Variants in RAD50 observed in about 807,000 individuals in gnomAD.
RAD50 encodes DNA repair protein RAD50.
A neutral mutation model predicts 168.8 loss-of-function variants in RAD50; 132 were observed. The ratio of observed to expected loss-of-function variants is 0.78; its 90% CI spans 0.68 to 0.90. The LOEUF is 0.90. Ranked by LOEUF, RAD50 falls within the 40% of genes least tolerant of loss-of-function variation. RAD50 has a pLI of 0.00. For synonymous variants in RAD50, 525 were observed against 497.4 expected (o/e 1.06, Z -0.74); for missense variants, 1,347 against 1,534.4 (o/e 0.88, Z 2.04).
At chr5:132,571,148 T>C (rs1290905860) in intron 2 of RAD50, among the ~76,000 whole-genome samples, 1 of 151,252 alleles carries the variant, frequency 6.6e-6, no homozygotes, top group Non-Finnish European at 1.5e-5. Flanking sequence ...AAAGATCACT[T>C]ATCACAGATC....
intron 21 of RAD50, among the ~76,000 whole-genome samples, chr5:132,619,132 C>G (rs897933936): frequency 2.6e-5 from 4 of 152,162 alleles, no homozygotes; most frequent in African/African-American, 7.2e-5. Context: ...CATTCATTCT[C>G]CTACAGATGG....
chr5:132,582,298 T>G (rs1329016760), intron 5 of RAD50, among the ~76,000 whole-genome samples: 1 of 152,220 alleles, frequency 6.6e-6, no homozygotes. Flanking sequence ...TTGTGAGTAA[T>G]TCTCCAAGGG....
chr5:132,573,218 A>G (rs1364835230), intron 2 of RAD50, among the ~76,000 whole-genome samples: 1 of 152,154 alleles, frequency 6.6e-6, no homozygotes, highest in Non-Finnish European at 1.5e-5. Context: ...GTATTACTCC[A>G]TTTTCACACT....
At chr5:132,634,035 A>AT (rs967307535) in intron 21 of RAD50, among the ~76,000 whole-genome samples, 2 of 151,570 alleles carry the variant, frequency 1.3e-5, no homozygotes, top group African/African-American at 2.4e-5. Flanking sequence ...TTTAAAATTT[A>AT]TTTTTTTTCT....
At chr5:132,615,240 ATT>A (rs1409544048) in intron 19 of RAD50, among the ~76,000 whole-genome samples, 1 of 152,134 alleles carries the variant, frequency 6.6e-6, no homozygotes, top group African/African-American at 2.4e-5. Context: ...CACTGAAATA[ATT>A]TTGTTGTTGT....
intron 19 of RAD50, among the ~76,000 whole-genome samples, chr5:132,610,978 A>C (rs1245753246): frequency 6.6e-6 from 1 of 152,228 alleles, no homozygotes; most frequent in Non-Finnish European, 1.5e-5. Flanking sequence ...ATGTATTTCA[A>C]ATTAATGGGA....
At chr5:132,557,540 A>G (rs1289465421) in intron 1 of RAD50, 87 bp downstream of exon 1, 1 of 1,568,380 alleles carries the variant, frequency 6.4e-7, no homozygotes, top group Non-Finnish European at 8.8e-7. Flanking sequence ...CCTTAGGAGC[A>G]GAAGCGTCCC....
intron 2 of RAD50, among the ~76,000 whole-genome samples, chr5:132,562,007 A>C (rs1343684638): frequency 6.6e-6 from 1 of 152,170 alleles, no homozygotes; most frequent in Non-Finnish European, 1.5e-5. Context: ...CAGAGTAATC[A>C]GAGTTGTCTT....
At chr5:132,623,840 AG>A (rs1390485675) in intron 21 of RAD50, among the ~76,000 whole-genome samples, 1 of 152,238 alleles carries the variant, frequency 6.6e-6, no homozygotes, top group East Asian at 1.9e-4. Flanking sequence ...TTCAGACCAC[AG>A]GGCTCAGGAA....
At position 132,638,218 on chromosome 5, in the gene RAD50, C is replaced by T. The variant is rs1303720795; in HGVS notation, c.3613C>T (p.Gln1205Ter). ...TATGCGAGGACGATGCAGTGCTGGA[C>T]AAAAGGCAGGTATCTCAAAAGCCTG... ...LDMRGRCSAGQKVLASLIIRL... is the reference protein window; with the variant it reads ...LDMRGRCSAG The change falls in exon 23 of 25, where the codon CAA (glutamine) becomes TAA (stop). Residue 1205 changes from glutamine to a stop codon, truncating the protein, a stop_gained. Coordinates refer to ENST00000378823, the MANE Select transcript of RAD50 (RefSeq NM_005732.4). LOFTEE classifies it high-confidence loss of function. 6.2e-7 allele frequency: 1 copy of T among 1,613,952 alleles called. No homozygotes were observed. The highest frequency in any genetic ancestry group is 8.5e-7 in the Non-Finnish European group (1 of 1,179,994).
intron 21 of RAD50, among the ~76,000 whole-genome samples, chr5:132,627,192 G>A (rs986040016): frequency 6.6e-6 from 1 of 152,100 alleles, no homozygotes; most frequent in Non-Finnish European, 1.5e-5. Context: ...TAAAAAACTA[G>A]TATTTATATA....
rs1474922117 is a variant in RAD50, at chr5:132,608,611, T to A, written c.2719-4T>A. 1.3e-6 allele frequency: 2 copies of A among 1,562,220 alleles called. No individual in the cohort carries two copies. Among genetic ancestry groups the A allele is most frequent in the South Asian group, 1.2e-5 (1 of 83,928 alleles). On this transcript the variant is annotated splice_polypyrimidine_tract_variant and splice_region_variant and intron_variant, in intron 16 of 24. Transcript: ENST00000378823. ...ATAATACTTTATCTTTTTTATATTT[T>A]TAGGATGCTAAAGAGCAGGTAAGCC... is the stretch of plus-strand genomic sequence containing the variant.
rs532737553 is a variant in RAD50 at position 132,644,158 on chromosome 5, G to T, written c.*1794G>T. 15 of 182,832 alleles carry T rather than the reference G, an allele frequency of 8.2e-5. No individual in the cohort carries two copies. In the South Asian group the frequency reaches 2.9e-3, roughly 36 times the overall value. 11.3% of individuals were successfully genotyped at this position (182,832 alleles called of 1,614,324 possible). A position where few individuals can be genotyped will look rare whatever the true frequency, so the allele number is the denominator to read the frequency against. On this transcript the variant is annotated 3_prime_UTR_variant, in exon 25 of 25. Coordinates refer to ENST00000378823, the MANE Select transcript of RAD50 (RefSeq NM_005732.4). ...GATCAATATAGGCAGTGAAACAAAA[G>T]TATCATTTGCAAGTTAAAACAGACT...
rs1026198979 is a variant in RAD50, at chr5:132,645,288, A to C, written c.*2924A>C. ...CCCTGATGCCTGTACTTCTCTCCTT[A>C]TTCAACTTAAATTCCATGGCTCATC... is the stretch of plus-strand genomic sequence containing the variant. On this transcript the variant is annotated 3_prime_UTR_variant, in exon 25 of 25. Coordinates refer to ENST00000378823, the MANE Select transcript of RAD50 (RefSeq NM_005732.4). 3.8e-4 allele frequency: 58 copies of C among 152,088 alleles called. No individual in the cohort carries two copies. The highest frequency in any genetic ancestry group is 1.4e-3 in the African/African-American group (56 of 41,380). The allele number at this position is 152,088 out of a possible 1,614,324, so 9.4% of individuals were successfully genotyped here.
intron 21 of RAD50, among the ~76,000 whole-genome samples, chr5:132,629,112 T>C (rs1751418726): frequency 1.3e-5 from 2 of 152,208 alleles, no homozygotes; most frequent in Non-Finnish European, 2.9e-5. Flanking sequence ...GCTCTCCAGC[T>C]ATCCCTGCAT....
chr5:132,640,851 T>G, intron 24 of RAD50, 46 bp downstream of exon 24: 6 of 1,612,478 alleles, frequency 3.7e-6, no homozygotes, highest in Non-Finnish European at 5.1e-6. Flanking sequence ...TATCTCACAT[T>G]TGGGGACAGG....
chr5:132,587,088 T>C (rs1580991513), intron 5 of RAD50, among the ~76,000 whole-genome samples: 1 of 152,268 alleles, frequency 6.6e-6, no homozygotes, highest in East Asian at 1.9e-4. Flanking sequence ...TTGTTGTACT[T>C]TACTTGCTCA....
intron 16 of RAD50, among the ~76,000 whole-genome samples, chr5:132,608,269 A>T (rs770986709): frequency 6.6e-6 from 1 of 152,120 alleles, no homozygotes; most frequent in Non-Finnish European, 1.5e-5. Context: ...CGCTAATATA[A>T]TTGGGAGCAC....
Position 132,587,661 on chromosome 5 carries a change from A to G in RAD50, c.856A>G (p.Asn286Asp), listed in dbSNP as rs754927950. 6.2e-7 allele frequency: 1 copy of G among 1,613,894 alleles called. No homozygotes were observed. Residue 286 changes from asparagine to aspartate, a missense_variant, in exon 6 of 25, where the codon AAT becomes GAT. Asn to Asp is a conservative substitution (Grantham distance 23). Transcript: ENST00000378823. ...DSRKKQMEKD[N>D]SELEEKMEKV... ...CCGAAAGAAGCAAATGGAGAAAGAT[A>G]ATAGTGAACTGGAAGAGAAAATGGA... is the stretch of plus-strand genomic sequence containing the variant.
Sources: gnomAD v4.1 joint callset for allele counts (sites outside exome capture counted in the v4.1 genomes callset) on GRCh38, gnomAD v4.1.1 for gene constraint, MANE v1.5 for transcripts, NCBI Gene and HGNC (gene_info 2026-07-23, HGNC 2026-07-21) for gene names.